RAD51B: variants seen among roughly 807,000 people sequenced by gnomAD.
RAD51B encodes RAD51 paralog B.
Under a neutral mutation model 42.2 loss-of-function variants are expected in RAD51B, and 38 were observed. That is an observed-to-expected ratio of 0.90 (90% CI 0.70 to 1.18). The LOEUF is 1.18. Among genes scored for constraint, RAD51B ranks in the 50% most tolerant of loss-of-function variants. The pLI is 0.00. For missense variants in RAD51B, 373 were observed against 400.7 expected, an observed-to-expected ratio of 0.93 and a Z score of 0.59; for synonymous variants, 154 against 145.2, an observed-to-expected ratio of 1.06 and a Z score of -0.43.
chr14:68,338,624 A>G (rs1444468544), intron 8 of RAD51B: 1 of 303,236 alleles, frequency 3.3e-6, no homozygotes, highest in Non-Finnish European at 6.4e-6. Flanking sequence ...CTATTTAGCT[A>G]TCTCAAAGTG....
intron 7 of RAD51B, among the ~76,000 whole-genome samples, chr14:68,095,470 A>G (rs998353558): frequency 1.3e-5 from 2 of 152,142 alleles, no homozygotes; most frequent in African/African-American, 4.8e-5. Context: ...GTATGAAAAA[A>G]AAAGAAGTCT....
intron 7 of RAD51B, among the ~76,000 whole-genome samples, chr14:68,094,341 G>A (rs558705691): frequency 2.6e-4 from 39 of 152,040 alleles, no homozygotes; most frequent in Non-Finnish European, 3.4e-4. Context: ...TATCAGCATC[G>A]TTTGAGGTAG....
chr14:68,244,574 G>C (rs575715124), intron 7 of RAD51B, among the ~76,000 whole-genome samples: 1 of 152,212 alleles, frequency 6.6e-6, no homozygotes, highest in South Asian at 2.1e-4. Context: ...TGTATTGTTA[G>C]AGAATAATTA....
chr14:68,224,608 G>T (rs1460441297), intron 7 of RAD51B, among the ~76,000 whole-genome samples: 1 of 152,048 alleles, frequency 6.6e-6, no homozygotes, highest in Non-Finnish European at 1.5e-5. Flanking sequence ...TTATTAAGTT[G>T]ATATTAACAT....
chr14:68,441,749 AAG>A (rs1406025963), intron 9 of RAD51B, among the ~76,000 whole-genome samples: 1 of 152,180 alleles, frequency 6.6e-6, no homozygotes, highest in African/African-American at 2.4e-5. Context: ...CCCCTTCTAT[AAG>A]AGAATTTCAT....
chr14:68,138,018 C>T (rs1595455101), intron 7 of RAD51B, among the ~76,000 whole-genome samples: 2 of 152,184 alleles, frequency 1.3e-5, no homozygotes, highest in African/African-American at 2.4e-5. Context: ...TCCTAGCCCT[C>T]AGGGTGTGAT....
In RAD51B at chr14:68,608,623, C is replaced by T. The variant is rs137977903; in HGVS notation, c.1037-2383C>T. ...GGCCATGGGTCAGTAGCTGAAGGAG[C>T]CACCTTTCATGCCCTCCCCTCACCA... On this transcript the variant is annotated intron_variant, in intron 10 of 10. Coordinates refer to the RAD51B transcript ENST00000487861. Among the ~76,000 whole-genome samples the T allele has an allele frequency of 8.0e-3, 1,214 of 152,284 alleles. 13 individuals are homozygous for T. The highest frequency in any genetic ancestry group is 0.025 in the African/African-American group (1,044 of 41,544).
intron 10 of RAD51B, among the ~76,000 whole-genome samples, chr14:68,608,503 A>G (rs893283306): frequency 1.6e-4 from 25 of 152,278 alleles, no homozygotes; most frequent in African/African-American, 6.0e-4. Flanking sequence ...CTCCCTGCCT[A>G]AGGGCCTGAC....
intron 7 of RAD51B, among the ~76,000 whole-genome samples, chr14:68,022,817 T>C (rs2075889019): frequency 6.6e-6 from 1 of 152,128 alleles, no homozygotes; most frequent in Admixed American, 6.6e-5. Context: ...CCCTCCACCC[T>C]CAAGTGGGCT....
intron 7 of RAD51B, among the ~76,000 whole-genome samples, chr14:68,106,715 A>G (rs1236565357): frequency 6.6e-6 from 1 of 151,890 alleles, no homozygotes; most frequent in African/African-American, 2.4e-5. Flanking sequence ...ATAATCTCAT[A>G]GTGATGATGA....
At chr14:68,030,656 T>C (rs1463135746) in intron 7 of RAD51B, among the ~76,000 whole-genome samples, 1 of 152,214 alleles carries the variant, frequency 6.6e-6, no homozygotes, top group Non-Finnish European at 1.5e-5. Context: ...ATACGGCTGT[T>C]TCACTTTGTA....
chr14:68,650,529 C>G (rs1036419502), intron 10 of RAD51B, among the ~76,000 whole-genome samples: 1 of 152,146 alleles, frequency 6.6e-6, no homozygotes, highest in Admixed American at 6.5e-5. Flanking sequence ...ATCTATCTAC[C>G]CCAAACAAAG....
chr14:68,070,255 C>T (rs192070959), intron 7 of RAD51B, among the ~76,000 whole-genome samples: 27 of 152,082 alleles, frequency 1.8e-4, no homozygotes, highest in Non-Finnish European at 3.8e-4. Context: ...TTTACAGTTT[C>T]TTGCCATTCA....
intron 7 of RAD51B, among the ~76,000 whole-genome samples, chr14:68,173,521 G>A (rs1050395428): frequency 6.6e-5 from 10 of 152,204 alleles, no homozygotes; most frequent in African/African-American, 2.2e-4. Context: ...TGACAAGAAC[G>A]AGTGACTATT....
At position 68,526,987 on chromosome 14, in the gene RAD51B, C is replaced by T. The variant is rs184852446; in HGVS notation, c.1036+58737C>T. 2.9e-4 allele frequency among the ~76,000 whole-genome samples: 44 copies of T among 152,290 alleles called. No homozygotes were observed. The East Asian group carries it at 7.9e-3, about 27-fold the overall frequency. ...TGCGGCCTGAATCTGTGACTCTTAGCGGCTGCTTGGGACTGCTGCAAGACT... is the reference window on the plus strand; with the variant it reads ...TGCGGCCTGAATCTGTGACTCTTAGTGGCTGCTTGGGACTGCTGCAAGACT... On this transcript the variant is annotated intron_variant, in intron 10 of 10. Coordinates refer to the RAD51B transcript ENST00000487270.
At chr14:68,241,561 A>T (rs1016238144) in intron 7 of RAD51B, among the ~76,000 whole-genome samples, 2 of 152,238 alleles carry the variant, frequency 1.3e-5, no homozygotes, top group African/African-American at 4.8e-5. Context: ...AAAATAAAAA[A>T]AAATTGTCAA....
chr14:68,372,034 G>GGAGGAGA (rs946841020), intron 8 of RAD51B, among the ~76,000 whole-genome samples: 30 of 152,332 alleles, frequency 2.0e-4, no homozygotes, highest in Admixed American at 1.7e-3. Context: ...AGACTGGCAG[G>GGAGGAGA]GAGGAGAGGA....
At chr14:68,018,123 G>C (rs986872001) in intron 7 of RAD51B, among the ~76,000 whole-genome samples, 1 of 152,124 alleles carries the variant, frequency 6.6e-6, no homozygotes, top group South Asian at 2.1e-4. Flanking sequence ...TCCCACATTC[G>C]TGTCTAAGCT....
intron 8 of RAD51B, among the ~76,000 whole-genome samples, chr14:68,315,220 T>TTCA (rs1266857587): frequency 6.6e-6 from 1 of 152,230 alleles, no homozygotes. Context: ...GCCATTTTAT[T>TTCA]TCACATTAGG....
Sources: allele counts gnomAD v4.1 joint callset (sites outside exome capture counted in the v4.1 genomes callset), GRCh38; gene constraint gnomAD v4.1.1; transcripts MANE v1.5; gene names NCBI Gene and HGNC (gene_info 2026-07-23, HGNC 2026-07-21).